The following RAB33A variants were observed in gnomAD, a reference collection of about 807,000 sequenced individuals.
RAB33A encodes ras-related protein Rab-33A.
RAB33A carries 6 observed loss-of-function variants against 12.0 expected under a neutral mutation model. That is an observed-to-expected ratio of 0.50 (90% CI 0.27 to 0.99). The LOEUF (loss-of-function observed/expected upper bound fraction) is 0.99, where lower values mean the gene tolerates loss of function less well. RAB33A is among the 50% of genes least tolerant of loss of function. The pLI is 0.11. For synonymous variants in RAB33A, 70 were observed against 82.4 expected (o/e 0.85, Z 0.81); for missense variants, 109 against 192.0 (o/e 0.57, Z 2.55).
At chrX:130,159,631 T>A in the RAB33A span, among the ~76,000 whole-genome samples, 3 of 110,478 alleles carry the variant, frequency 2.7e-5, no homozygotes, top group Non-Finnish European at 3.8e-5. Context: ...TTCTTTTTTT[T>A]AATTCTGTTT....
rs895389064 is a variant in RAB33A, at chrX:130,181,079, C to A, written c.259-3206C>A. 5.9e-5 allele frequency among the ~76,000 whole-genome samples: 6 copies of A among 101,325 alleles called. 1 individual carries two copies. In the Admixed American group the frequency reaches 6.5e-4, roughly 11 times the overall value. 88.0% of individuals were successfully genotyped at this position (101,325 alleles called of 115,157 possible). On this transcript the variant is annotated intron_variant, in intron 1 of 1. Transcript: ENST00000257017. ...TCAGGAGACCCTGCAATGGAAACATCCACAATCCAAAATACTTTGCTCTAG... is the reference window on the plus strand; with the variant it reads ...TCAGGAGACCCTGCAATGGAAACATACACAATCCAAAATACTTTGCTCTAG...
At chrX:130,163,045 G>C in the RAB33A span, among the ~76,000 whole-genome samples, 449 of 111,577 alleles carry the variant, frequency 4.0e-3, 2 homozygotes, top group African/African-American at 0.014. Context: ...ATAGTTGCAA[G>C]GCAGGTTTAA....
the RAB33A span, among the ~76,000 whole-genome samples, chrX:130,118,954 C>T: frequency 2.1e-4 from 23 of 111,719 alleles, no homozygotes; most frequent in Non-Finnish European, 3.0e-4. Context: ...TGAGCCTGTG[C>T]GTCTCAGGAT....
At chrX:130,119,976 G>A in the RAB33A span, among the ~76,000 whole-genome samples, 1 of 111,822 alleles carries the variant, frequency 8.9e-6, no homozygotes, top group Admixed American at 9.5e-5. Context: ...TGGAAAGGGC[G>A]AGGTTGGAGC....
the RAB33A span, among the ~76,000 whole-genome samples, chrX:130,113,077 C>CTTTTTTTTTTTTTTTTTTTTTTT: frequency 4.3e-5 from 2 of 46,994 alleles, no homozygotes; most frequent in Non-Finnish European, 7.1e-5. Context: ...TTTTTTCCTT[C>CTTTTTTTTTTTTTTTTTTTTTTT]TTTTTTTTTT....
At chrX:130,153,592 G>A in the RAB33A span, among the ~76,000 whole-genome samples, 1 of 111,209 alleles carries the variant, frequency 9.0e-6, no homozygotes. Context: ...TTTGGCAATG[G>A]GGCATTGGGG....
chrX:130,131,716 G>C, the RAB33A span: 1 of 1,211,807 alleles, frequency 8.3e-7, no homozygotes, highest in Non-Finnish European at 1.1e-6. Flanking sequence ...TTGTGCAGTT[G>C]CTTTTGCAAA....
the RAB33A span, among the ~76,000 whole-genome samples, chrX:130,162,786 G>A: frequency 9.0e-6 from 1 of 111,555 alleles, no homozygotes; most frequent in African/African-American, 3.3e-5. Flanking sequence ...TTGATAACAT[G>A]GGCAGCACTG....
the RAB33A span, among the ~76,000 whole-genome samples, chrX:130,133,823 G>A: frequency 9.3e-6 from 1 of 107,808 alleles, no homozygotes; most frequent in African/African-American, 3.4e-5. Context: ...GTAGAGATGG[G>A]GTGTTGCCAT....
chrX:130,165,779 C>A, the RAB33A span: 15 of 605,105 alleles, frequency 2.5e-5, no homozygotes, highest in Non-Finnish European at 3.6e-5. Flanking sequence ...GCAGACTCCT[C>A]CTCCCAGCTC....
chrX:130,170,967 C>T (rs145849952), upstream of RAB33A, among the ~76,000 whole-genome samples: 2 of 112,973 alleles, frequency 1.8e-5, no homozygotes, highest in East Asian at 5.6e-4. Flanking sequence ...CTGTGTGGCC[C>T]TCTCCCGCGG....
intron 1 of RAB33A, among the ~76,000 whole-genome samples, chrX:130,182,676 C>T: frequency 9.1e-6 from 1 of 109,804 alleles, no homozygotes; most frequent in East Asian, 2.9e-4. Flanking sequence ...ATTGCTTGAA[C>T]CCAGGTGGCA....
chrX:130,113,048 T>C, the RAB33A span, among the ~76,000 whole-genome samples: 1 of 104,221 alleles, frequency 9.6e-6, no homozygotes, highest in African/African-American at 3.5e-5. Context: ...TTTCTTTGTG[T>C]GTTTTCTTTT....
At chrX:130,112,631 C>T in the RAB33A span, among the ~76,000 whole-genome samples, 32 of 111,882 alleles carry the variant, frequency 2.9e-4, no homozygotes, top group African/African-American at 9.4e-4. Context: ...CTTTGGGATG[C>T]CGAGCGGGGT....
the RAB33A span, among the ~76,000 whole-genome samples, chrX:130,143,089 T>C: frequency 3.6e-5 from 4 of 111,951 alleles, no homozygotes; most frequent in African/African-American, 6.5e-5. Flanking sequence ...TGTGGGTTCT[T>C]CTTAAGCCTG....
At chrX:130,151,371 C>G in the RAB33A span, among the ~76,000 whole-genome samples, 1 of 110,981 alleles carries the variant, frequency 9.0e-6, no homozygotes, top group African/African-American at 3.3e-5. Context: ...GAACTCCTGA[C>G]CTTGTGATCC....
At chrX:130,116,317 G>A in the RAB33A span, among the ~76,000 whole-genome samples, 8 of 109,001 alleles carry the variant, frequency 7.3e-5, no homozygotes, top group Admixed American at 2.0e-4. Context: ...ATTTTGAGAC[G>A]GAATCTCACT....
At chrX:130,179,953 C>G (rs914191037) in intron 1 of RAB33A, among the ~76,000 whole-genome samples, 4 of 108,381 alleles carry the variant, frequency 3.7e-5, no homozygotes, top group Non-Finnish European at 7.6e-5. Context: ...ACTCAAAGTG[C>G]AACAGAGATT....
chrX:130,177,108 C>G (rs754420882), intron 1 of RAB33A, among the ~76,000 whole-genome samples: 16 of 112,453 alleles, frequency 1.4e-4, no homozygotes, highest in African/African-American at 4.8e-4. Flanking sequence ...CTCCAGCACC[C>G]CATCAGTTCG....
Sources: allele counts gnomAD v4.1 joint callset (sites outside exome capture counted in the v4.1 genomes callset), GRCh38; gene constraint gnomAD v4.1.1; transcripts MANE v1.5; gene names NCBI Gene and HGNC (gene_info 2026-07-23, HGNC 2026-07-21).